Variants in PCDH11X observed in about 807,000 individuals in gnomAD.
PCDH11X encodes protocadherin-11 X-linked.
In PCDH11X, 18 loss-of-function variants were observed where a neutral mutation model predicts 53.3. The ratio of observed to expected loss-of-function variants is 0.34; its 90% CI spans 0.23 to 0.50. The LOEUF (loss-of-function observed/expected upper bound fraction) is 0.50. Ranked by LOEUF, PCDH11X falls within the 20% of genes least tolerant of loss-of-function variation. The probability of loss-of-function intolerance (pLI) is 0.98; values close to 1 mark genes in which losing one functional copy is unlikely to be tolerated. For missense variants in PCDH11X, 570 were observed against 1,032.4 expected (o/e 0.55, Z 6.14); for synonymous variants, 279 against 393.3 (o/e 0.71, Z 3.44).
chrX:92,382,867 G>C (rs1156234975), intron 8 of PCDH11X, among the ~76,000 whole-genome samples: 1 of 104,839 alleles, frequency 9.5e-6, no homozygotes, highest in East Asian at 2.9e-4. Flanking sequence ...ACAGAAATTT[G>C]TCATGAACAA....
intron 10 of PCDH11X, among the ~76,000 whole-genome samples, chrX:92,468,856 ATAAGT>A (rs200250261): frequency 0.096 from 8,970 of 93,133 alleles, 416 homozygotes; most frequent in Middle Eastern, 0.15. Flanking sequence ...GGAACCTATG[ATAAGT>A]TAAGGTTGAC....
chrX:91,904,072 T>C lies in PCDH11X; in HGVS notation c.3033+24799T>C, dbSNP rs1460482250. ...TGTGTAGATGTTTTACATGTAAAGA[T>C]GGTAAAACTCTAATTCCTTTTAACT... On this transcript the variant is annotated intron_variant, in intron 6 of 10. Transcript: ENST00000682573. Among the ~76,000 whole-genome samples the C allele has an allele frequency of 2.7e-5, 3 of 110,219 alleles. No homozygotes were observed. The Admixed American group carries it at 2.9e-4, about 11-fold the overall frequency.
intron 10 of PCDH11X, among the ~76,000 whole-genome samples, chrX:92,580,575 A>G (rs1923556510): frequency 9.1e-6 from 1 of 110,437 alleles, no homozygotes. Context: ...CAAGCAGCCC[A>G]GTCTCCCTCT....
intron 10 of PCDH11X, among the ~76,000 whole-genome samples, chrX:92,483,937 C>G (rs1391697977): frequency 9.3e-6 from 1 of 107,821 alleles, no homozygotes; most frequent in Non-Finnish European, 1.9e-5. Flanking sequence ...ATCCAGCAAT[C>G]CCACTACTGG....
intron 6 of PCDH11X, among the ~76,000 whole-genome samples, chrX:92,058,069 T>G (rs1294162859): frequency 1.9e-5 from 2 of 102,727 alleles, no homozygotes; most frequent in Admixed American, 2.2e-4. Context: ...CTCTCAGGCC[T>G]ATTTTAACTC....
At chrX:92,467,642 T>A (rs1191071161) in intron 9 of PCDH11X, among the ~76,000 whole-genome samples, 1 of 111,024 alleles carries the variant, frequency 9.0e-6, no homozygotes, top group African/African-American at 3.3e-5. Context: ...AGAAAGTCAA[T>A]AATGCAAGGC....
At chrX:91,959,486 T>C (rs1374903291) in intron 6 of PCDH11X, among the ~76,000 whole-genome samples, 2 of 110,198 alleles carry the variant, frequency 1.8e-5, no homozygotes, top group African/African-American at 6.6e-5. Context: ...TCCTATTCTG[T>C]TTCTCTAAGT....
intron 8 of PCDH11X, among the ~76,000 whole-genome samples, chrX:92,298,848 G>A (rs36093841): frequency 5.5e-4 from 61 of 111,109 alleles, no homozygotes; most frequent in African/African-American, 1.2e-3. Flanking sequence ...AAATATTGCC[G>A]GACCAACTCA....
intron 6 of PCDH11X, chrX:91,883,783 T>G: frequency 2.9e-6 from 2 of 699,468 alleles, no homozygotes; most frequent in Non-Finnish European, 3.4e-6. Flanking sequence ...CCAGCCTGGG[T>G]GACAGAGCAA....
intron 8 of PCDH11X, among the ~76,000 whole-genome samples, chrX:92,354,796 T>C (rs2148531148): frequency 9.0e-6 from 1 of 111,278 alleles, no homozygotes; most frequent in Admixed American, 9.6e-5. Context: ...CAAAGAAAAA[T>C]TCTCAGACAT....
intron 8 of PCDH11X, among the ~76,000 whole-genome samples, chrX:92,281,080 G>T (rs1003936852): frequency 2.7e-5 from 3 of 110,666 alleles, no homozygotes; most frequent in Non-Finnish European, 5.7e-5. Flanking sequence ...AATGAATGAG[G>T]GCCCTTTGTG....
intron 6 of PCDH11X, among the ~76,000 whole-genome samples, chrX:92,103,310 G>T (rs1168759129): frequency 9.0e-6 from 1 of 110,909 alleles, no homozygotes; most frequent in Non-Finnish European, 1.9e-5. Flanking sequence ...GTTTTAAGAG[G>T]TTTAGAAGCC....
In PCDH11X at chrX:92,391,037, T is replaced by C. The variant is rs780913057; in HGVS notation, c.3343+3104T>C. On this transcript the variant is annotated intron_variant, in intron 9 of 10. Transcript: ENST00000682573. Reference sequence around the variant, plus strand: ...CCTGTCTCATTCCATCTGAAGACTTTGTAATTTTTAAATTTTATAATTGCA... The same window carrying C: ...CCTGTCTCATTCCATCTGAAGACTTCGTAATTTTTAAATTTTATAATTGCA... Among the ~76,000 whole-genome samples, 10 of 107,143 alleles carry C rather than the reference T, an allele frequency of 9.3e-5. No homozygotes were observed. In the South Asian group the frequency reaches 4.2e-3, roughly 46 times the overall value. The allele number at this position is 107,143 out of a possible 115,157, so 93.0% of individuals were successfully genotyped here.
At chrX:92,037,449 C>T (rs1277495686) in intron 6 of PCDH11X, among the ~76,000 whole-genome samples, 1 of 111,737 alleles carries the variant, frequency 8.9e-6, no homozygotes, top group Non-Finnish European at 1.9e-5. Context: ...TTTCTTTATC[C>T]AGTCTATTAC....
chrX:92,131,732 A>C (rs1603011101), intron 6 of PCDH11X, among the ~76,000 whole-genome samples: 2 of 110,822 alleles, frequency 1.8e-5, no homozygotes. Context: ...ACTTAATCCA[A>C]ATGGGTCCAG....
chrX:92,155,518 T>G (rs1271403507), intron 6 of PCDH11X, among the ~76,000 whole-genome samples: 1 of 93,492 alleles, frequency 1.1e-5, no homozygotes, highest in African/African-American at 4.0e-5. Flanking sequence ...TTTGGCTCTT[T>G]TTTCAAAATA....
intron 6 of PCDH11X, among the ~76,000 whole-genome samples, chrX:92,012,667 G>A (rs965532726): frequency 1.2e-4 from 13 of 111,356 alleles, no homozygotes; most frequent in Non-Finnish European, 2.4e-4. Context: ...TTGTGGGTGT[G>A]CAAAGGTAGA....
intron 6 of PCDH11X, among the ~76,000 whole-genome samples, chrX:92,152,884 G>A (rs1287690081): frequency 1.8e-5 from 2 of 109,224 alleles, no homozygotes; most frequent in Non-Finnish European, 3.8e-5. Flanking sequence ...TGCAACCTCC[G>A]CCTCCCAGGT....
chrX:92,564,784 A>G (rs1322738599), intron 10 of PCDH11X, among the ~76,000 whole-genome samples: 1 of 111,285 alleles, frequency 9.0e-6, no homozygotes, highest in East Asian at 2.8e-4. Flanking sequence ...TGGTCATCAA[A>G]TTAAAACTTC....
Sources: gnomAD v4.1 joint callset for allele counts (sites outside exome capture counted in the v4.1 genomes callset) on GRCh38, gnomAD v4.1.1 for gene constraint, MANE v1.5 for transcripts, NCBI Gene and HGNC (gene_info 2026-07-23, HGNC 2026-07-21) for gene names.